Variants in UNC45B observed in about 807,000 individuals in gnomAD.
UNC45B encodes the protein protein unc-45 homolog B.
A neutral mutation model predicts 98.7 loss-of-function variants in UNC45B; 78 were observed. That is an observed-to-expected ratio of 0.79 (90% confidence interval 0.66 to 0.95). UNC45B has a LOEUF of 0.95. UNC45B is among the 40% of genes least tolerant of loss of function. The pLI is 0.00. For synonymous variants in UNC45B, 462 were observed against 480.4 expected (o/e 0.96, Z 0.50); for missense variants, 1,225 against 1,184.9 (o/e 1.03, Z -0.50).
chr17:35,148,189 G>T (rs1012180162), intron 1 of UNC45B, 75 bp from the exon 2 acceptor site: 2 of 1,545,210 alleles, frequency 1.3e-6, no homozygotes, highest in African/African-American at 1.4e-5. Context: ...CTGGAGCTCC[G>T]GACCTCAGGC....
intron 11 of UNC45B, 52 bp from the exon 12 acceptor site, chr17:35,170,062 T>A: frequency 6.2e-7 from 1 of 1,601,318 alleles, no homozygotes; most frequent in Non-Finnish European, 8.5e-7. Flanking sequence ...CGCTTCACCC[T>A]CTTGACCTAG....
In UNC45B at chr17:35,150,141, T is replaced by C. The variant is rs1448183323; in HGVS notation, c.299T>C (p.Val100Ala). 1 of 1,613,792 alleles carries C rather than the reference T, an allele frequency of 6.2e-7. No individual in the cohort carries two copies. The highest frequency in any genetic ancestry group is 8.5e-7 in the Non-Finnish European group (1 of 1,179,836). Residue 100 changes from valine (V) to alanine (A), a missense_variant, in exon 4 of 20, where the codon GTG becomes GCG. Coordinates refer to ENST00000394570, the MANE Select transcript of UNC45B (RefSeq NM_001267052.2). ...LGKLDQAFKD[V>A]QRCATLEPRN... ...AAGCTGGACCAGGCCTTCAAAGACGTGCAGCGTTGTGCCACCCTCGAGCCA... is the reference window on the plus strand; with the variant it reads ...AAGCTGGACCAGGCCTTCAAAGACGCGCAGCGTTGTGCCACCCTCGAGCCA...
At chr17:35,148,642 T>G (rs1352547260) in intron 2 of UNC45B, among the ~76,000 whole-genome samples, 4 of 152,138 alleles carry the variant, frequency 2.6e-5, no homozygotes, top group Non-Finnish European at 4.4e-5. Context: ...CCAGGTGCTT[T>G]CATGTGTTAT....
At position 35,187,430 on chromosome 17, in the gene UNC45B, G is replaced by A. The variant is rs1421213963; in HGVS notation, c.*871G>A. ...GAAAGAGAGTCCCCAGCAGCCCCAG[G>A]GTGACATAGTTGTTATAGTTCATTA... is the stretch of plus-strand genomic sequence containing the variant. On this transcript the variant is annotated 3_prime_UTR_variant, in exon 20 of 20. Transcript: ENST00000394570. 1 of 152,076 alleles carries A rather than the reference G, an allele frequency of 6.6e-6. No homozygotes were observed. Among genetic ancestry groups the A allele is most frequent in the Non-Finnish European group, 1.5e-5 (1 of 68,026 alleles). 9.4% of individuals were successfully genotyped at this position (152,076 alleles called of 1,614,324 possible).
rs1448753726 is a variant in UNC45B at position 35,171,462 on chromosome 17, G to T, written c.1830G>T (p.Lys610Asn). Reference protein sequence around the residue: ...SKQHVPEEHPKDKKDFIDMRV... With the variant: ...SKQHVPEEHPNDKKDFIDMRV... ...AGCATGTGCCCGAGGAACACCCCAAGGTAGGGTCAGGCGCGACCCGGGAGG... is the reference window on the plus strand; with the variant it reads ...AGCATGTGCCCGAGGAACACCCCAATGTAGGGTCAGGCGCGACCCGGGAGG... Residue 610 changes from lysine (K) to asparagine (N), a missense_variant and splice_region_variant, in exon 13 of 20, where the codon AAG becomes AAT. By Grantham distance (94) the Lys-to-Asn change is moderately conservative (BLOSUM62 0). Coordinates refer to ENST00000394570, the MANE Select transcript of UNC45B (RefSeq NM_001267052.2). 6.2e-7 allele frequency: 1 copy of T among 1,613,996 alleles called. No individual in the cohort carries two copies. The highest frequency in any genetic ancestry group is 1.6e-4 in the Middle Eastern group (1 of 6,062).
intron 19 of UNC45B, among the ~76,000 whole-genome samples, chr17:35,184,245 G>T (rs889642817): frequency 6.6e-6 from 1 of 152,196 alleles, no homozygotes; most frequent in Admixed American, 6.5e-5. Flanking sequence ...TCCAAGGGGG[G>T]TTACGTTGTC....
rs533566767 is a variant in UNC45B, at chr17:35,171,199, G to A, written c.1690-123G>A. 1,216 of 1,253,200 alleles carry A rather than the reference G, an allele frequency of 9.7e-4. 3 individuals are homozygous for A. The highest frequency in any genetic ancestry group is 1.3e-3 in the Non-Finnish European group (1,145 of 896,748). 77.6% of individuals were successfully genotyped at this position (1,253,200 alleles called of 1,614,324 possible). A position where few individuals can be genotyped will look rare whatever the true frequency, so the allele number is the denominator to read the frequency against. Reference sequence around the variant, plus strand: ...TGCGCTGCTGTCTTTCCTCAGAATGGGCCCTACCAGCTGCACTCCTCCGAC... The same window carrying A: ...TGCGCTGCTGTCTTTCCTCAGAATGAGCCCTACCAGCTGCACTCCTCCGAC... On this transcript the variant is annotated intron_variant, in intron 12 of 19. Coordinates refer to ENST00000394570, the MANE Select transcript of UNC45B (RefSeq NM_001267052.2).
chr17:35,173,017 C>A (rs891891749), intron 13 of UNC45B, among the ~76,000 whole-genome samples: 1 of 152,166 alleles, frequency 6.6e-6, no homozygotes, highest in Non-Finnish European at 1.5e-5. Context: ...GTGCTGTATA[C>A]CCCTTGGCAG....
At position 35,168,671 on chromosome 17, in the gene UNC45B, A is replaced by T. The variant is rs1381447316; in HGVS notation, c.1452+310A>T. 2.6e-5 allele frequency among the ~76,000 whole-genome samples: 4 copies of T among 152,154 alleles called. No individual in the cohort carries two copies. In the East Asian group the frequency reaches 7.7e-4, roughly 29 times the overall value. On this transcript the variant is annotated intron_variant, in intron 10 of 19. Transcript: ENST00000394570. ...AAATTCTGAAGAGTCACTTTCCTTA[A>T]TCAGTTTCTATAAGGTATTTTTTTT...
chr17:35,149,771 G>A (rs980430514), intron 3 of UNC45B, among the ~76,000 whole-genome samples: 5 of 152,178 alleles, frequency 3.3e-5, no homozygotes, highest in African/African-American at 4.8e-5. Flanking sequence ...TGCAAGCACC[G>A]ATTGGTTAAG....
At chr17:35,175,648 C>T (rs901440515) in intron 14 of UNC45B, among the ~76,000 whole-genome samples, 3 of 152,140 alleles carry the variant, frequency 2.0e-5, no homozygotes, top group African/African-American at 4.8e-5. Context: ...AAGAGGAAGC[C>T]AGAGCCAGAT....
In UNC45B at chr17:35,168,241, C is replaced by A; in HGVS notation, c.1332C>A (p.Ala444=). ...CGGACCAGCTGGTGGCCGTGGAGGC[C>A]CTCATCCATGCCTCCACGAAGCTCA... The part of the protein sequence containing the change: ...RETDQLVAVE[A]LIHASTKLSR... Residue 444 remains alanine, a synonymous_variant, in exon 10 of 20, where the codon GCC becomes GCA. Transcript: ENST00000394570. 2 of 1,586,880 alleles carry A rather than the reference C, an allele frequency of 1.3e-6. No individual in the cohort carries two copies. The highest frequency in any genetic ancestry group is 2.3e-5 in the East Asian group (1 of 42,770).
intron 11 of UNC45B, 57 bp downstream of exon 11, chr17:35,169,988 G>C (rs2092171647): frequency 1.2e-6 from 2 of 1,612,406 alleles, no homozygotes; most frequent in African/African-American, 2.7e-5. Flanking sequence ...CCGGGCAAGA[G>C]TCTCTGGGGT....
intron 17 of UNC45B, among the ~76,000 whole-genome samples, chr17:35,179,258 A>G (rs1235325764): frequency 3.9e-4 from 60 of 152,140 alleles, no homozygotes; most frequent in Admixed American, 3.9e-3. Flanking sequence ...TTCTCCTTGA[A>G]GAGGTCCTTC....
chr17:35,154,758 G>T lies in UNC45B; in HGVS notation c.639+17G>T. 6.4e-7 allele frequency: 1 copy of T among 1,561,868 alleles called. No homozygotes were observed. ...CAAGCCAGAGTAAGTGCCCGGCTGT[G>T]GGGCATGTGGAGCAGACGACTGCTG... On this transcript the variant is annotated intron_variant, in intron 6 of 19. Coordinates refer to ENST00000394570, the MANE Select transcript of UNC45B (RefSeq NM_001267052.2).
intron 9 of UNC45B, among the ~76,000 whole-genome samples, chr17:35,166,171 G>T: frequency 6.6e-6 from 1 of 150,668 alleles, no homozygotes; most frequent in Non-Finnish European, 1.5e-5. Flanking sequence ...GGGAAGCTGA[G>T]GTAGGAGGAT....
In UNC45B at chr17:35,183,448, G is replaced by T; in HGVS notation, c.2395G>T (p.Asp799Tyr). The change falls in exon 19 of 20, where the codon GAC (aspartate) becomes TAC (tyrosine). Residue 799 changes from aspartate (D) to tyrosine (Y), a missense_variant. Asp to Tyr is a radical substitution (Grantham distance 160). Coordinates refer to ENST00000394570, the MANE Select transcript of UNC45B (RefSeq NM_001267052.2). The stretch of plus-strand genomic sequence containing the variant: ...ACAGGTACAGGAAAGGTTCTTGGCT[G>T]ACGGGAATGACCGGCTGAAGCTGGT... The part of the protein sequence containing the change: ...HKEVQERFLA[D>Y]GNDRLKLVVL... The T allele has an allele frequency of 6.3e-7, 1 of 1,595,686 alleles. No homozygotes were observed. The highest frequency in any genetic ancestry group is 8.5e-7 in the Non-Finnish European group (1 of 1,170,784).
At chr17:35,178,027 G>A (rs557295416) in intron 17 of UNC45B, among the ~76,000 whole-genome samples, 2 of 152,084 alleles carry the variant, frequency 1.3e-5, no homozygotes, top group Non-Finnish European at 2.9e-5. Flanking sequence ...AGCCTCTCGA[G>A]TAGCTGGGAC....
chr17:35,159,401 A>T lies in UNC45B; in HGVS notation c.835A>T (p.Thr279Ser). The part of the protein sequence containing the change: ...LDTKKDLKQI[T>S]SHLLDMLVSK... ...CACCAAGAAGGACCTGAAGCAGATC[A>T]CCAGCCACCTGCTGGACATGCTAGT... The change falls in exon 8 of 20, where the codon ACC (threonine) becomes TCC (serine). Residue 279 changes from threonine (T) to serine (S), a missense_variant. Thr to Ser is a moderately conservative substitution (Grantham distance 58, BLOSUM62 1). Transcript: ENST00000394570. 2 of 1,613,800 alleles carry T rather than the reference A, an allele frequency of 1.2e-6. No homozygotes were observed. Among genetic ancestry groups the T allele is most frequent in the Non-Finnish European group, 1.7e-6 (2 of 1,179,778 alleles).
Sources: gnomAD v4.1 joint callset for allele counts (sites outside exome capture counted in the v4.1 genomes callset) on GRCh38, gnomAD v4.1.1 for gene constraint, MANE v1.5 for transcripts, NCBI Gene and HGNC (gene_info 2026-07-23, HGNC 2026-07-21) for gene names.